Variants in DYRK1A observed in about 807,000 individuals in gnomAD.
The protein encoded by DYRK1A is dual specificity tyrosine-phosphorylation-regulated kinase 1A.
In DYRK1A, 9 loss-of-function variants were observed where a neutral mutation model predicts 79.7. That is an observed-to-expected ratio of 0.11 (90% CI 0.07 to 0.20). The LOEUF (loss-of-function observed/expected upper bound fraction) is 0.20. Among genes scored for constraint, DYRK1A ranks in the 10% least tolerant of loss-of-function variants. The pLI, the probability that DYRK1A is intolerant of heterozygous loss-of-function variation, is 1.00. For synonymous variants in DYRK1A, 349 were observed against 329.7 expected (o/e 1.06, Z -0.63); for missense variants, 622 against 956.0 (o/e 0.65, Z 4.61).
chr21:37,377,758 C>CT (rs1569277895), intron 1 of DYRK1A, among the ~76,000 whole-genome samples: 1 of 152,216 alleles, frequency 6.6e-6, no homozygotes, highest in East Asian at 1.9e-4. Flanking sequence ...TGCCCAGCCT[C>CT]TATTGTTCTT....
rs757084747 is a variant in DYRK1A, at chr21:37,519,008, A to C, written c.*6477A>C. 3 of 152,236 alleles carry C rather than the reference A, an allele frequency of 2.0e-5. No individual in the cohort carries two copies. Among genetic ancestry groups the C allele is most frequent in the Non-Finnish European group, 4.4e-5 (3 of 68,038 alleles). 9.4% of individuals were successfully genotyped at this position (152,236 alleles called of 1,614,324 possible). On this transcript the variant is annotated 3_prime_UTR_variant, in exon 12 of 12. Coordinates refer to ENST00000647188, the MANE Select transcript of DYRK1A (RefSeq NM_001347721.2). ...TTTATGGTGCATTACAAAATGTTAT[A>C]AACAAGCCTCCGGGAAAGGCAGAAA...
At chr21:37,435,918 T>G (rs552232301) in intron 2 of DYRK1A, among the ~76,000 whole-genome samples, 5 of 152,342 alleles carry the variant, frequency 3.3e-5, no homozygotes, top group African/African-American at 1.2e-4. Flanking sequence ...GTCAGATGTT[T>G]TAACTGTTGC....
chr21:37,398,067 TAA>T lies in DYRK1A; in HGVS notation c.-76-22223_-76-22222del, dbSNP rs111780739. On this transcript the variant is annotated intron_variant, in intron 1 of 11. Transcript: ENST00000647188. ...GGGAACATAGCAAGACCTCATCTCT[TAA>T]AAAAAAAATATATATATATATTTAT... 1.1e-3 allele frequency among the ~76,000 whole-genome samples: 110 copies of T among 98,928 alleles called. No homozygotes were observed. The Middle Eastern group carries it at 0.02, about 18-fold the overall frequency. The allele number at this position is 98,928 out of a possible 152,430, so 64.9% of individuals were successfully genotyped here.
At chr21:37,490,153 A>T in intron 6 of DYRK1A, 22 bp from the exon 7 acceptor site, 3 of 1,602,342 alleles carry the variant, frequency 1.9e-6, no homozygotes, top group Non-Finnish European at 2.6e-6. Context: ...ATAATTTAAA[A>T]TGAAACTGTT....
intron 2 of DYRK1A, among the ~76,000 whole-genome samples, chr21:37,441,426 T>C (rs2051100127): frequency 6.6e-6 from 1 of 152,144 alleles, no homozygotes; most frequent in Admixed American, 6.5e-5. Context: ...CATCCTGCTA[T>C]TTATTTCCTA....
rs1441113462 is a variant in DYRK1A at position 37,505,259 on chromosome 21, A to G, written c.1213-24A>G. On this transcript the variant is annotated intron_variant, in intron 9 of 11. Coordinates refer to ENST00000647188, the MANE Select transcript of DYRK1A (RefSeq NM_001347721.2). The stretch of plus-strand genomic sequence containing the variant: ...TACGTATTCCACCAAATTTAGAGAA[A>G]GCCTTTCATCTTCTCTCTTACAGGA... The G allele has an allele frequency of 2.6e-6, 4 of 1,556,666 alleles. No homozygotes were observed. In the Admixed American group the frequency reaches 7.9e-5, roughly 31 times the overall value.
intron 11 of DYRK1A, among the ~76,000 whole-genome samples, chr21:37,508,917 T>G (rs943694007): frequency 2.0e-5 from 3 of 152,072 alleles, no homozygotes; most frequent in South Asian, 2.1e-4. Flanking sequence ...CTGTCTTGTC[T>G]TCTTCCCTTT....
chr21:37,373,525 T>C (rs1336160428), intron 1 of DYRK1A, among the ~76,000 whole-genome samples: 4 of 152,206 alleles, frequency 2.6e-5, no homozygotes, highest in East Asian at 1.9e-4. Flanking sequence ...GTATAACTTA[T>C]CTAAGGCTGA....
chr21:37,457,821 G>C (rs977553239), intron 2 of DYRK1A, among the ~76,000 whole-genome samples: 1 of 152,230 alleles, frequency 6.6e-6, no homozygotes, highest in East Asian at 1.9e-4. Flanking sequence ...TGGGATGGGA[G>C]AAGGAAAAAG....
intron 2 of DYRK1A, chr21:37,428,787 G>A (rs1281428780): frequency 6.6e-6 from 1 of 152,146 alleles, no homozygotes; most frequent in Non-Finnish European, 1.5e-5. Context: ...AGTTATCATT[G>A]CTTAAGATTT....
chr21:37,440,052 T>G (rs1970163118), intron 2 of DYRK1A, among the ~76,000 whole-genome samples: 1 of 151,558 alleles, frequency 6.6e-6, no homozygotes, highest in South Asian at 2.1e-4. Context: ...GTTTTATTGA[T>G]TTCTGTTTTT....
chr21:37,383,130 C>G (rs1004492918), intron 1 of DYRK1A, among the ~76,000 whole-genome samples: 8 of 152,324 alleles, frequency 5.3e-5, no homozygotes, highest in African/African-American at 1.9e-4. Flanking sequence ...GCTTGCCTAC[C>G]TCAGAGGCCA....
At chr21:37,380,709 C>T (rs1569279780) in intron 1 of DYRK1A, among the ~76,000 whole-genome samples, 1 of 151,232 alleles carries the variant, frequency 6.6e-6, no homozygotes, top group Non-Finnish European at 1.5e-5. Flanking sequence ...AATAGATGAA[C>T]AAGAATTGTC....
intron 8 of DYRK1A, 106 bp downstream of exon 8, chr21:37,493,269 ATCAT>A: frequency 8.8e-7 from 1 of 1,131,728 alleles, no homozygotes; most frequent in South Asian, 1.7e-5. Flanking sequence ...TGTCTACTTA[ATCAT>A]TCAAATGTGA....
In DYRK1A at chr21:37,499,029, A is replaced by G. The variant is rs190338117; in HGVS notation, c.1212+2771A>G. Among the ~76,000 whole-genome samples the G allele has an allele frequency of 2.6e-5, 4 of 152,098 alleles. No individual in the cohort carries two copies. The East Asian group carries it at 7.7e-4, about 29-fold the overall frequency. On this transcript the variant is annotated intron_variant, in intron 9 of 11. Transcript: ENST00000647188. ...CCTTTGTCATTAAGTTTTTTGTCAC[A>G]TGTATGTCAGTGTATTTCCCTAGAC...
chr21:37,441,905 T>G (rs922954093), intron 2 of DYRK1A, among the ~76,000 whole-genome samples: 1 of 151,996 alleles, frequency 6.6e-6, no homozygotes, highest in Non-Finnish European at 1.5e-5. Context: ...GTAGTGCGTA[T>G]TTACTAATGA....
chr21:37,424,902 T>C (rs2050575316), intron 2 of DYRK1A, among the ~76,000 whole-genome samples: 1 of 152,208 alleles, frequency 6.6e-6, no homozygotes, highest in African/African-American at 2.4e-5. Context: ...TCTCTTAATT[T>C]ATTTTTCTCA....
At position 37,409,213 on chromosome 21, in the gene DYRK1A, A is replaced by G. The variant is rs551336578; in HGVS notation, c.-76-11086A>G. Among the ~76,000 whole-genome samples the G allele has an allele frequency of 2.6e-5, 4 of 152,352 alleles. No individual in the cohort carries two copies. The East Asian group carries it at 5.8e-4, about 22-fold the overall frequency. On this transcript the variant is annotated intron_variant, in intron 1 of 11. Transcript: ENST00000647188. ...GGTGGAGGTAATAGTAATTTAAAAT[A>G]TAACAGTAAAAAGAAGCAGCTGTGT...
chr21:37,478,388 C>T, intron 4 of DYRK1A, 88 bp downstream of exon 4: 1 of 1,108,886 alleles, frequency 9.0e-7, no homozygotes, highest in East Asian at 2.5e-5. Context: ...ACTTTTTTTT[C>T]ATTCCTAGTA....
Sources: gnomAD v4.1 joint callset for allele counts (sites outside exome capture counted in the v4.1 genomes callset) on GRCh38, gnomAD v4.1.1 for gene constraint, MANE v1.5 for transcripts, NCBI Gene and HGNC (gene_info 2026-07-23, HGNC 2026-07-21) for gene names.